CAPN13: variants seen among roughly 807,000 people sequenced by gnomAD.
CAPN13 encodes calpain 13, also known as calpain-13.
CAPN13 carries 90 observed loss-of-function variants against 98.4 expected under a neutral mutation model. The observed-to-expected ratio is 0.92, with a 90% confidence interval of 0.77 to 1.09. The LOEUF is 1.09. CAPN13 is among the 50% of genes least tolerant of loss of function. The pLI is 0.00. For missense variants in CAPN13, 887 were observed against 841.3 expected, an observed-to-expected ratio of 1.05 and a Z score of -0.67; for synonymous variants, 330 against 305.5, an observed-to-expected ratio of 1.08 and a Z score of -0.84.
rs1481766268 is a variant in CAPN13, at chr2:30,742,294, G to A, written c.1479+32C>T. 5.0e-6 allele frequency: 8 copies of A among 1,592,634 alleles called. No homozygotes were observed. The East Asian group carries it at 1.8e-4, about 36-fold the overall frequency. On this transcript the variant is annotated intron_variant, in intron 14 of 22. Coordinates refer to ENST00000295055, the MANE Select transcript of CAPN13 (RefSeq NM_144575.3). ...CTTGGGGATGGGATGGGGCCAATGA[G>A]GCTCGCCAGCCAAACCTTGCTGCAT...
intron 5 of CAPN13, among the ~76,000 whole-genome samples, chr2:30,765,655 A>C (rs1295884767): frequency 6.6e-6 from 1 of 152,158 alleles, no homozygotes; most frequent in Non-Finnish European, 1.5e-5. Context: ...TCCACCTCTG[A>C]CATTCTCTCT....
chr2:30,795,623 G>A (rs1674819023), intron 1 of CAPN13, among the ~76,000 whole-genome samples: 1 of 151,910 alleles, frequency 6.6e-6, no homozygotes, highest in Non-Finnish European at 1.5e-5. Flanking sequence ...TTATTGATTT[G>A]TAGGAATTCA....
At chr2:30,801,373 T>C (rs1355540404) in intron 1 of CAPN13, among the ~76,000 whole-genome samples, 1 of 151,688 alleles carries the variant, frequency 6.6e-6, no homozygotes, top group Non-Finnish European at 1.5e-5. Flanking sequence ...CCCAGCACTT[T>C]GGGAGGGTGA....
intron 2 of CAPN13, among the ~76,000 whole-genome samples, chr2:30,778,128 G>T (rs951404755): frequency 9.2e-5 from 14 of 152,336 alleles, no homozygotes; most frequent in African/African-American, 3.1e-4. Context: ...TGCTGTAAGG[G>T]ATACAAGGTA....
intron 15 of CAPN13, among the ~76,000 whole-genome samples, chr2:30,739,127 G>A (rs1262368935): frequency 6.6e-6 from 1 of 152,086 alleles, no homozygotes; most frequent in African/African-American, 2.4e-5. Flanking sequence ...TTTTATACTG[G>A]GGGCATCCAG....
intron 18 of CAPN13, among the ~76,000 whole-genome samples, chr2:30,734,974 A>G (rs1034853776): frequency 6.6e-6 from 1 of 152,168 alleles, no homozygotes; most frequent in Middle Eastern, 3.2e-3. Flanking sequence ...TACAGTGCCT[A>G]CCTCACAGGT....
chr2:30,754,084 T>A (rs1308644422), intron 9 of CAPN13, among the ~76,000 whole-genome samples: 3 of 152,216 alleles, frequency 2.0e-5, no homozygotes, highest in African/African-American at 7.2e-5. Context: ...CAGCATTTCA[T>A]AACTGAAATA....
rs185377350 is a variant in CAPN13, at chr2:30,731,218, G to T, written c.1983+126C>A. 3.4e-3 allele frequency: 2,552 copies of T among 761,544 alleles called. 14 individuals carry two copies. Among genetic ancestry groups the T allele is most frequent in the Middle Eastern group, 0.013 (32 of 2,552 alleles). The allele number at this position is 761,544 out of a possible 1,614,324, so 47.2% of individuals were successfully genotyped here. A position where few individuals can be genotyped will look rare whatever the true frequency, so the allele number is the denominator to read the frequency against. On this transcript the variant is annotated intron_variant, in intron 21 of 22. Coordinates refer to ENST00000295055, the MANE Select transcript of CAPN13 (RefSeq NM_144575.3). ...TATATAAGGCAGTAATTGGAGGTTGGGGGGACAGCTTGGCTGGCCTTTGAC... is the reference window on the plus strand; with the variant it reads ...TATATAAGGCAGTAATTGGAGGTTGTGGGGACAGCTTGGCTGGCCTTTGAC...
chr2:30,754,470 G>T (rs1317804523), intron 8 of CAPN13, 106 bp from the exon 9 acceptor site: 2 of 878,784 alleles, frequency 2.3e-6, no homozygotes, highest in Non-Finnish European at 3.3e-6. Context: ...TTCCTGGGGA[G>T]CACAGGGCAA....
chr2:30,766,040 G>C (rs1343536551), intron 5 of CAPN13, among the ~76,000 whole-genome samples: 3 of 152,172 alleles, frequency 2.0e-5, no homozygotes, highest in African/African-American at 7.2e-5. Flanking sequence ...GTGGGTTCTG[G>C]CTCCTGTTCC....
Position 30,758,072 on chromosome 2 carries a change from G to T in CAPN13, c.840C>A (p.Ala280=), listed in dbSNP as rs372518610. The T allele has an allele frequency of 5.0e-6, 8 of 1,611,460 alleles. 1 individual carries two copies. In the South Asian group the frequency reaches 6.6e-5, roughly 13 times the overall value. Residue 280 remains alanine (A), a synonymous_variant, in exon 8 of 23, where the codon GCC becomes GCA. Transcript: ENST00000295055. ...SLWNPWGWGE[A]EWRGRWSDGS... ...CATCACTCCAGCGCCCTCTCCATTC[G>T]GCCTCGCCCCAGCCCCAGGGGTTCC...
At chr2:30,804,093 A>G (rs1403193300) in intron 1 of CAPN13, among the ~76,000 whole-genome samples, 1 of 152,240 alleles carries the variant, frequency 6.6e-6, no homozygotes, top group Non-Finnish European at 1.5e-5. Context: ...TCAGGAATCA[A>G]GACAAAAGAG....
intron 15 of CAPN13, among the ~76,000 whole-genome samples, chr2:30,738,722 G>A (rs570130117): frequency 2.0e-5 from 3 of 152,312 alleles, no homozygotes; most frequent in African/African-American, 7.2e-5. Flanking sequence ...TTACTGGACT[G>A]AAAGCAGTTT....
At chr2:30,741,879 G>C in intron 15 of CAPN13, 29 bp downstream of exon 15, 2 of 1,613,750 alleles carry the variant, frequency 1.2e-6, no homozygotes, top group South Asian at 1.1e-5. Flanking sequence ...CCAATCCCAC[G>C]TAAGGCCCCT....
chr2:30,775,943 A>C lies in CAPN13; in HGVS notation c.374T>G (p.Ile125Ser). ...GGGCACACGTACCCGGAAACGGAAAATGCCAGCATACTGGTGTGAAAAGCT... is the reference window on the plus strand; with the variant it reads ...GGGCACACGTACCCGGAAACGGAAACTGCCAGCATACTGGTGTGAAAAGCT... ...VQSFSHQYAGIFRFRFWQCGQ... is the reference protein window; with the variant it reads ...VQSFSHQYAGSFRFRFWQCGQ... Residue 125 changes from isoleucine to serine, a missense_variant, in exon 4 of 23, where the codon ATT becomes AGT. Physicochemically the swap from Ile to Ser is moderately radical, Grantham distance 142. Coordinates refer to ENST00000295055, the MANE Select transcript of CAPN13 (RefSeq NM_144575.3). The C allele has an allele frequency of 6.2e-7, 1 of 1,608,798 alleles. No homozygotes were observed. Among genetic ancestry groups the C allele is most frequent in the Non-Finnish European group, 8.5e-7 (1 of 1,177,154 alleles).
chr2:30,738,205 G>A (rs556646688), intron 17 of CAPN13, 30 bp downstream of exon 17: 1 of 1,613,542 alleles, frequency 6.2e-7, no homozygotes, highest in South Asian at 1.1e-5. Context: ...GGGGTGCTCA[G>A]AGCATGGGAG....
chr2:30,787,597 G>A (rs2148075057), intron 1 of CAPN13, among the ~76,000 whole-genome samples: 1 of 152,328 alleles, frequency 6.6e-6, no homozygotes, highest in South Asian at 2.1e-4. Context: ...GTGCACAAGA[G>A]GCTATGGGGT....
At chr2:30,740,093 T>G (rs2926302) in intron 15 of CAPN13, among the ~76,000 whole-genome samples, 5,352 of 21,162 alleles carry the variant, frequency 0.25, 418 homozygotes, top group African/African-American at 0.4. Context: ...TTTTTTTTTT[T>G]TTTTTTTTTT....
intron 22 of CAPN13, among the ~76,000 whole-genome samples, chr2:30,726,561 A>T (rs1670865467): frequency 6.6e-6 from 1 of 152,188 alleles, no homozygotes; most frequent in African/African-American, 2.4e-5. Flanking sequence ...TATAAAAATA[A>T]TTTTTATTGC....
Sources: allele counts gnomAD v4.1 joint callset (sites outside exome capture counted in the v4.1 genomes callset), GRCh38; gene constraint gnomAD v4.1.1; transcripts MANE v1.5; gene names NCBI Gene and HGNC (gene_info 2026-07-23, HGNC 2026-07-21).